GRIK1: variants seen among roughly 807,000 people sequenced by gnomAD.
GRIK1 encodes the protein glutamate receptor ionotropic, kainate 1.
A neutral mutation model predicts 105.7 loss-of-function variants in GRIK1; 69 were observed. The ratio of observed to expected loss-of-function variants is 0.65; its 90% CI spans 0.54 to 0.80. GRIK1 has a LOEUF of 0.80. Among genes scored for constraint, GRIK1 ranks in the 30% least tolerant of loss-of-function variants. The pLI, the probability that GRIK1 is intolerant of heterozygous loss-of-function variation, is 0.00. For synonymous variants in GRIK1, 438 were observed against 431.3 expected, an observed-to-expected ratio of 1.02 and a Z score of -0.19; for missense variants, 1,109 against 1,167.3, an observed-to-expected ratio of 0.95 and a Z score of 0.73.
chr21:29,786,246 CAAA>C (rs1378645485), intron 1 of GRIK1, among the ~76,000 whole-genome samples: 2 of 152,232 alleles, frequency 1.3e-5, no homozygotes, highest in East Asian at 3.8e-4. Context: ...CTCAGCCTCC[CAAA>C]GTGTTGGGAA....
intron 9 of GRIK1, among the ~76,000 whole-genome samples, chr21:29,594,129 C>T (rs2061369376): frequency 6.6e-6 from 1 of 152,068 alleles, no homozygotes; most frequent in South Asian, 2.1e-4. Context: ...TATATATATG[C>T]TGAGTGACCT....
chr21:29,658,365 C>A (rs181823053), intron 4 of GRIK1, among the ~76,000 whole-genome samples: 2 of 152,104 alleles, frequency 1.3e-5, no homozygotes, highest in South Asian at 2.1e-4. Flanking sequence ...TGAGTTCAAG[C>A]GATTCTCTTG....
chr21:29,564,186 C>G (rs1222366427), intron 14 of GRIK1, among the ~76,000 whole-genome samples: 2 of 151,990 alleles, frequency 1.3e-5, no homozygotes, highest in African/African-American at 2.4e-5. Flanking sequence ...CTCGCTCTGT[C>G]GCCCAGGCTG....
At position 29,634,555 on chromosome 21, in the gene GRIK1, G is replaced by A. The variant is rs112992978; in HGVS notation, c.1098+8271C>T. Among the ~76,000 whole-genome samples the A allele has an allele frequency of 4.6e-3, 704 of 152,284 alleles. 5 individuals carry two copies. Among genetic ancestry groups the A allele is most frequent in the African/African-American group, 0.016 (666 of 41,548 alleles). On this transcript the variant is annotated intron_variant, in intron 7 of 17. Coordinates refer to ENST00000327783, the MANE Select transcript of GRIK1 (RefSeq NM_001330994.2). ...ATAAGCATCTTTTAAAATGCCTGCC[G>A]TGTACAGGCACGGTGCTCTGAGGAC...
At chr21:29,668,619 A>C (rs2063104172) in intron 4 of GRIK1, among the ~76,000 whole-genome samples, 1 of 152,224 alleles carries the variant, frequency 6.6e-6, no homozygotes, top group Non-Finnish European at 1.5e-5. Flanking sequence ...TTTCAATTGC[A>C]AAAGAGGAAT....
chr21:29,819,562 C>T (rs997551149), intron 1 of GRIK1, among the ~76,000 whole-genome samples: 2 of 151,968 alleles, frequency 1.3e-5, no homozygotes, highest in African/African-American at 4.8e-5. Flanking sequence ...TTCAAGTTCA[C>T]TGTTGAGGTT....
intron 1 of GRIK1, among the ~76,000 whole-genome samples, chr21:29,796,958 C>T (rs2066575309): frequency 8.6e-6 from 1 of 116,316 alleles, no homozygotes; most frequent in African/African-American, 3.3e-5. Context: ...CAAAAGCAAA[C>T]AAACAAACAA....
intron 1 of GRIK1, among the ~76,000 whole-genome samples, chr21:29,810,347 A>C (rs568936867): frequency 1.3e-5 from 2 of 152,118 alleles, no homozygotes; most frequent in African/African-American, 4.8e-5. Context: ...ACCGTAACAA[A>C]CTGAAATATT....
chr21:29,863,542 T>C lies in GRIK1; in HGVS notation c.118+75841A>G, dbSNP rs189636589. ...CATTTAGACACTTTAAAAAATTATG[T>C]TCACACTAGTTGTCCTGGTTTTCTT... On this transcript the variant is annotated intron_variant, in intron 1 of 17. Transcript: ENST00000327783. Among the ~76,000 whole-genome samples the C allele has an allele frequency of 8.1e-4, 124 of 152,306 alleles. 1 individual carries two copies. The highest frequency in any genetic ancestry group is 3.0e-3 in the African/African-American group (123 of 41,548).
At position 29,598,929 on chromosome 21, in the gene GRIK1, C is replaced by A; in HGVS notation, c.1107G>T (p.Trp369Cys). ...RFMNLIKEARWDGLTGHITFN... is the reference protein window; with the variant it reads ...RFMNLIKEARCDGLTGHITFN... ...AGGTGATATGCCCAGTCAAGCCATC[C>A]CACCGGGCCTGTGGACAAGAAGAAA... Residue 369 changes from tryptophan (W) to cysteine (C), a missense_variant, in exon 8 of 18, where the codon TGG becomes TGT. Physicochemically the swap from Trp to Cys is radical, Grantham distance 215. Around this residue, in one of 5 missense-constraint regions of GRIK1, gnomAD observed 612 missense variants for 586.0 expected, o/e 1.04. Transcript: ENST00000327783. 1 of 1,533,520 alleles carries A rather than the reference C, an allele frequency of 6.5e-7. No homozygotes were observed. The highest frequency in any genetic ancestry group is 8.9e-7 in the Non-Finnish European group (1 of 1,119,494). The allele number at this position is 1,533,520 out of a possible 1,614,324, so 95.0% of individuals were successfully genotyped here. A position where few individuals can be genotyped will look rare whatever the true frequency, so the allele number is the denominator to read the frequency against.
At chr21:29,760,818 A>T (rs935075588) in intron 1 of GRIK1, among the ~76,000 whole-genome samples, 2 of 152,178 alleles carry the variant, frequency 1.3e-5, no homozygotes, top group African/African-American at 2.4e-5. Flanking sequence ...ACCTCTGTAG[A>T]TCTGTAGATG....
At chr21:29,675,126 G>T (rs763911286) in intron 3 of GRIK1, among the ~76,000 whole-genome samples, 19 of 152,160 alleles carry the variant, frequency 1.2e-4, no homozygotes, top group Non-Finnish European at 2.2e-4. Context: ...GGAATTCAGG[G>T]CCCAGAGTAG....
chr21:29,649,382 T>C (rs752815082), intron 6 of GRIK1, among the ~76,000 whole-genome samples: 2 of 152,128 alleles, frequency 1.3e-5, no homozygotes, highest in South Asian at 2.1e-4. Flanking sequence ...ATCCCCACTT[T>C]CCTTTATATA....
At chr21:29,821,032 G>C (rs946261829) in intron 1 of GRIK1, among the ~76,000 whole-genome samples, 1 of 149,680 alleles carries the variant, frequency 6.7e-6, no homozygotes, top group African/African-American at 2.5e-5. Context: ...AAACTGTTAG[G>C]AGCACCAACC....
intron 1 of GRIK1, among the ~76,000 whole-genome samples, chr21:29,823,071 G>C (rs904436796): frequency 1.3e-5 from 2 of 151,908 alleles, no homozygotes; most frequent in African/African-American, 4.8e-5. Context: ...TAGTTTCCTT[G>C]CCAATAAGAT....
At chr21:29,891,040 T>C (rs1195341892) in intron 1 of GRIK1, among the ~76,000 whole-genome samples, 2 of 152,310 alleles carry the variant, frequency 1.3e-5, no homozygotes, top group African/African-American at 4.8e-5. Flanking sequence ...ATATAACATC[T>C]TTTTTTGATA....
At chr21:29,560,363 TTCTTCCTTCC>T (rs1601111523) in intron 15 of GRIK1, among the ~76,000 whole-genome samples, 1 of 47,856 alleles carries the variant, frequency 2.1e-5, no homozygotes, top group Admixed American at 2.5e-4. Flanking sequence ...TTCTTTTTCT[TTCTTCCTTCC>T]TTCCTTCCTT....
intron 7 of GRIK1, among the ~76,000 whole-genome samples, chr21:29,606,231 C>T (rs1007545580): frequency 6.6e-6 from 1 of 152,002 alleles, no homozygotes; most frequent in Non-Finnish European, 1.5e-5. Context: ...GAAAAGATAA[C>T]CTGAAAAATT....
intron 1 of GRIK1, among the ~76,000 whole-genome samples, chr21:29,915,614 C>A (rs1037380580): frequency 6.6e-6 from 1 of 151,996 alleles, no homozygotes; most frequent in African/African-American, 2.4e-5. Context: ...ACTGCGGGAA[C>A]ATGTTGTGAT....
Sources: gnomAD v4.1 joint callset for allele counts (sites outside exome capture counted in the v4.1 genomes callset) on GRCh38, gnomAD v4.1.1 for gene constraint, gnomAD v4.1.1 regional missense constraint, MANE v1.5 for transcripts, NCBI Gene and HGNC (gene_info 2026-07-23, HGNC 2026-07-21) for gene names.